The following DLG2 variants were observed in gnomAD, a reference collection of about 807,000 sequenced individuals.
The protein encoded by DLG2 is disks large homolog 2.
DLG2 carries 45 observed loss-of-function variants against 132.5 expected under a neutral mutation model. The ratio of observed to expected loss-of-function variants is 0.34; its 90% CI spans 0.27 to 0.44. The LOEUF (loss-of-function observed/expected upper bound fraction) is 0.44. Among genes scored for constraint, DLG2 ranks in the 20% least tolerant of loss-of-function variants. DLG2 has a pLI of 1.00. For synonymous variants in DLG2, 424 were observed against 419.6 expected (o/e 1.01, Z -0.13); for missense variants, 1,045 against 1,196.9 (o/e 0.87, Z 1.87).
intron 3 of DLG2, among the ~76,000 whole-genome samples, chr11:85,544,246 G>A (rs1351078415): frequency 6.6e-6 from 1 of 152,138 alleles, no homozygotes; most frequent in African/African-American, 2.4e-5. Context: ...ATTAAATAGG[G>A]AATCCTTTCC....
At chr11:84,793,142 G>A (rs1236014468) in intron 6 of DLG2, among the ~76,000 whole-genome samples, 3 of 151,814 alleles carry the variant, frequency 2.0e-5, no homozygotes, top group African/African-American at 4.8e-5. Flanking sequence ...AAAAATTTTC[G>A]GTTTCCTTCT....
intron 6 of DLG2, among the ~76,000 whole-genome samples, chr11:84,978,228 C>T (rs1592130950): frequency 6.6e-6 from 1 of 152,156 alleles, no homozygotes. Flanking sequence ...CAAAGAAACA[C>T]TGAAGGAGAC....
chr11:85,358,526 T>C lies in DLG2; in HGVS notation c.41-73161A>G, dbSNP rs576202683. On this transcript the variant is annotated intron_variant, in intron 3 of 27. Coordinates refer to ENST00000376104, the MANE Select transcript of DLG2 (RefSeq NM_001142699.3). Reference sequence around the variant, plus strand: ...TTGCAATATTCAAAACCAGAGATAATGAGGTGCTGAACCAGGGCAGTGAAA... The same window carrying C: ...TTGCAATATTCAAAACCAGAGATAACGAGGTGCTGAACCAGGGCAGTGAAA... 3.9e-5 allele frequency among the ~76,000 whole-genome samples: 6 copies of C among 152,254 alleles called. 1 individual carries two copies. Among genetic ancestry groups the C allele is most frequent in the African/African-American group, 1.4e-4 (6 of 41,552 alleles).
At chr11:83,501,757 T>C (rs1033629453) in intron 21 of DLG2, among the ~76,000 whole-genome samples, 1 of 152,198 alleles carries the variant, frequency 6.6e-6, no homozygotes. Flanking sequence ...AAAATCCTAA[T>C]GTGAGTGAAA....
At chr11:84,177,400 T>G (rs2096001028) in intron 8 of DLG2, among the ~76,000 whole-genome samples, 1 of 152,196 alleles carries the variant, frequency 6.6e-6, no homozygotes, top group African/African-American at 2.4e-5. Flanking sequence ...TACAGACTAC[T>G]TCTGTAGATT....
chr11:83,931,392 T>C (rs755789952), intron 14 of DLG2, among the ~76,000 whole-genome samples: 2 of 152,240 alleles, frequency 1.3e-5, no homozygotes, highest in South Asian at 2.1e-4. Flanking sequence ...GTCATTTCGG[T>C]AACATTGTTG....
At chr11:85,003,793 A>G (rs1291058506) in intron 6 of DLG2, among the ~76,000 whole-genome samples, 3 of 152,120 alleles carry the variant, frequency 2.0e-5, no homozygotes, top group Non-Finnish European at 4.4e-5. Flanking sequence ...ACATAGGTAT[A>G]TATGTGTCAT....
chr11:84,518,626 C>A (rs951191319), intron 7 of DLG2, among the ~76,000 whole-genome samples: 3 of 152,088 alleles, frequency 2.0e-5, no homozygotes, highest in African/African-American at 7.2e-5. Flanking sequence ...AGGCCCATTT[C>A]ATTTGATCAT....
chr11:83,661,276 A>T (rs2074198954), intron 18 of DLG2, among the ~76,000 whole-genome samples: 1 of 152,190 alleles, frequency 6.6e-6, no homozygotes, highest in Admixed American at 6.5e-5. Flanking sequence ...GATCTATTAG[A>T]TGAGAATATA....
intron 7 of DLG2, among the ~76,000 whole-genome samples, chr11:84,294,175 CCTT>C (rs2098053553): frequency 1.3e-5 from 2 of 152,298 alleles, no homozygotes; most frequent in South Asian, 4.1e-4. Flanking sequence ...TAACCTAGGT[CCTT>C]CTTGCTAAAC....
chr11:84,871,711 G>GTTTATTTATTTA (rs140551159), intron 6 of DLG2, among the ~76,000 whole-genome samples: 2 of 151,246 alleles, frequency 1.3e-5, no homozygotes, highest in African/African-American at 2.4e-5. Flanking sequence ...TCATTTCATT[G>GTTTATTTATTTA]TTTATTTATT....
rs570622916 is a variant in DLG2, at chr11:83,893,518, C to A, written c.1497-19030G>T. Among the ~76,000 whole-genome samples, 6 of 152,310 alleles carry A rather than the reference C, an allele frequency of 3.9e-5. 1 individual carries two copies. In the South Asian group the frequency reaches 8.3e-4, roughly 21 times the overall value. ...TTACCCCAGGTTTTCTCCTGGACAC[C>A]TCCTTTTCATTCAGATCCCTGAGAT... On this transcript the variant is annotated intron_variant, in intron 15 of 27. Coordinates refer to ENST00000376104, the MANE Select transcript of DLG2 (RefSeq NM_001142699.3).
In DLG2 at chr11:83,965,322, A is replaced by G. The variant is rs1198040242; in HGVS notation, c.1201+2T>C. The G allele has an allele frequency of 6.2e-7, 1 of 1,603,698 alleles. No individual in the cohort carries two copies. The highest frequency in any genetic ancestry group is 1.3e-5 in the African/African-American group (1 of 74,208). On this transcript the variant is annotated splice_donor_variant, in intron 13 of 27. Coordinates refer to ENST00000376104, the MANE Select transcript of DLG2 (RefSeq NM_001142699.3). LOFTEE classifies it high-confidence loss of function. ...CTATTTGAAGATGACAATGGTACTT[A>G]CAGTGAGTAATATCAGGTGGACCAT...
chr11:83,675,932 T>C (rs910906272), intron 18 of DLG2, among the ~76,000 whole-genome samples: 2 of 152,210 alleles, frequency 1.3e-5, no homozygotes, highest in African/African-American at 2.4e-5. Context: ...CATTATGTTA[T>C]GTACTAACTC....
intron 16 of DLG2, among the ~76,000 whole-genome samples, chr11:83,838,802 C>A (rs1223199915): frequency 6.6e-6 from 1 of 150,648 alleles, no homozygotes; most frequent in African/African-American, 2.4e-5. Context: ...AAAAAGCTGT[C>A]ATTGTACCAC....
intron 6 of DLG2, among the ~76,000 whole-genome samples, chr11:84,579,488 T>C (rs2099511376): frequency 6.6e-6 from 1 of 151,962 alleles, no homozygotes; most frequent in African/African-American, 2.4e-5. Flanking sequence ...AATCATGCAG[T>C]GAAAAGAGGA....
intron 6 of DLG2, among the ~76,000 whole-genome samples, chr11:84,560,694 T>A (rs2099425833): frequency 6.6e-6 from 1 of 152,086 alleles, no homozygotes; most frequent in African/African-American, 2.4e-5. Context: ...ATCCATAGAC[T>A]ACTATGAGCT....
chr11:84,003,113 T>C (rs1352189072), intron 11 of DLG2, among the ~76,000 whole-genome samples: 1 of 152,184 alleles, frequency 6.6e-6, no homozygotes, highest in Non-Finnish European at 1.5e-5. Flanking sequence ...CCAGTCTCTT[T>C]GCTAAAGCAT....
intron 17 of DLG2, among the ~76,000 whole-genome samples, chr11:83,822,926 T>C (rs555704734): frequency 2.6e-5 from 4 of 152,216 alleles, no homozygotes; most frequent in Admixed American, 2.6e-4. Flanking sequence ...AGGAGGCCTA[T>C]ACCTAGAGTC....
Sources: gnomAD v4.1 joint callset for allele counts (sites outside exome capture counted in the v4.1 genomes callset) on GRCh38, gnomAD v4.1.1 for gene constraint, MANE v1.5 for transcripts, NCBI Gene and HGNC (gene_info 2026-07-23, HGNC 2026-07-21) for gene names.